Variants in PARD3 observed in about 807,000 individuals in gnomAD.
PARD3 encodes partitioning defective 3 homolog.
PARD3 carries 75 observed loss-of-function variants against 155.4 expected under a neutral mutation model. The ratio of observed to expected loss-of-function variants is 0.48; its 90% CI spans 0.40 to 0.58. The LOEUF (loss-of-function observed/expected upper bound fraction) is 0.58. Ranked by LOEUF, PARD3 falls within the 20% of genes least tolerant of loss-of-function variation. PARD3 has a pLI of 0.00. For missense variants in PARD3, 1,642 were observed against 1,721.7 expected, an observed-to-expected ratio of 0.95 and a Z score of 0.82; for synonymous variants, 576 against 610.5, an observed-to-expected ratio of 0.94 and a Z score of 0.83.
In PARD3 at chr10:34,227,221, C is replaced by T. The variant is rs1952644611; in HGVS notation, c.3419+42436G>A. Among the ~76,000 whole-genome samples, 2 of 152,138 alleles carry T rather than the reference C, an allele frequency of 1.3e-5. 1 individual carries two copies. Among genetic ancestry groups the T allele is most frequent in the Admixed American group, 1.3e-4 (2 of 15,274 alleles). ...GCAAAGGACATGAACAGACACTTCC[C>T]AAAAGAAAACATACATGTGGCCAAC... On this transcript the variant is annotated intron_variant, in intron 22 of 24. Coordinates refer to ENST00000374788, the MANE Select transcript of PARD3 (RefSeq NM_001184785.2).
chr10:34,498,563 G>A (rs897260941), intron 3 of PARD3, among the ~76,000 whole-genome samples: 1 of 152,142 alleles, frequency 6.6e-6, no homozygotes, highest in Non-Finnish European at 1.5e-5. Context: ...GATTGCATGA[G>A]GCCAGGAGTT....
chr10:34,273,441 A>G (rs916883405), intron 21 of PARD3, among the ~76,000 whole-genome samples: 9 of 152,206 alleles, frequency 5.9e-5, no homozygotes, highest in African/African-American at 2.2e-4. Flanking sequence ...CAAAATGACA[A>G]AAGTATGGAG....
Position 34,343,636 on chromosome 10 carries a change from G to C in PARD3, c.2219-1820C>G, listed in dbSNP as rs1296470421. 7.1e-6 allele frequency: 7 copies of C among 985,240 alleles called. No individual in the cohort carries two copies. The East Asian group carries it at 4.5e-4, about 64-fold the overall frequency. 61.0% of individuals were successfully genotyped at this position (985,240 alleles called of 1,614,324 possible). ...GCTCCAAGATTATACCAGGGTAATG[G>C]ACAGCTAAAAAACTTTACATATTCT... On this transcript the variant is annotated intron_variant, in intron 15 of 24. Coordinates refer to ENST00000374788, the MANE Select transcript of PARD3 (RefSeq NM_001184785.2).
intron 2 of PARD3, among the ~76,000 whole-genome samples, chr10:34,527,318 T>A (rs567600803): frequency 1.3e-4 from 20 of 152,328 alleles, no homozygotes; most frequent in Admixed American, 1.3e-3. Context: ...GCCCTTTGTA[T>A]AGGGGACTCA....
At chr10:34,609,246 G>A (rs562739052) in intron 2 of PARD3, among the ~76,000 whole-genome samples, 2 of 152,232 alleles carry the variant, frequency 1.3e-5, no homozygotes, top group Non-Finnish European at 2.9e-5. Flanking sequence ...TTAATTATGA[G>A]TCTAAAATTA....
intron 3 of PARD3, among the ~76,000 whole-genome samples, chr10:34,476,788 A>ACG: frequency 6.6e-6 from 1 of 152,330 alleles, no homozygotes; most frequent in South Asian, 2.1e-4. Flanking sequence ...TGCTCAGGGT[A>ACG]ACTCCCAACA....
chr10:34,346,498 C>A (rs1317625578), intron 15 of PARD3: 1 of 1,337,380 alleles, frequency 7.5e-7, no homozygotes. Flanking sequence ...GCACAAATAT[C>A]TAGGGACACA....
intron 22 of PARD3, among the ~76,000 whole-genome samples, chr10:34,140,482 G>C (rs1948131665): frequency 6.6e-6 from 1 of 152,148 alleles, no homozygotes; most frequent in East Asian, 1.9e-4. Flanking sequence ...AGAGAGAAGG[G>C]AAAGAACAGA....
At chr10:34,790,590 A>G (rs1841509422) in intron 1 of PARD3, among the ~76,000 whole-genome samples, 2 of 152,350 alleles carry the variant, frequency 1.3e-5, no homozygotes, top group African/African-American at 2.4e-5. Flanking sequence ...AAGTACCAGG[A>G]AAGAGGAAAA....
intron 3 of PARD3, among the ~76,000 whole-genome samples, chr10:34,499,120 AT>A (rs1463463078): frequency 1.3e-5 from 2 of 152,210 alleles, no homozygotes; most frequent in South Asian, 2.1e-4. Context: ...TTAGCTCAAG[AT>A]TTTTTTCTCT....
chr10:34,131,698 AT>A, intron 22 of PARD3, 115 bp from the exon 23 acceptor site: 1 of 900,978 alleles, frequency 1.1e-6, no homozygotes, highest in Non-Finnish European at 1.7e-6. Flanking sequence ...GAGAAAGTGA[AT>A]TTTTAAAACA....
chr10:34,160,459 C>T (rs528196697), intron 22 of PARD3, among the ~76,000 whole-genome samples: 26 of 152,290 alleles, frequency 1.7e-4, no homozygotes, highest in Non-Finnish European at 2.9e-4. Flanking sequence ...AAGAGAACTT[C>T]AGTTTCAACA....
intron 2 of PARD3, among the ~76,000 whole-genome samples, chr10:34,549,082 G>A (rs1387104443): frequency 6.6e-6 from 1 of 152,166 alleles, no homozygotes; most frequent in Non-Finnish European, 1.5e-5. Context: ...CGATATTTTC[G>A]CAAACAGTAG....
At chr10:34,384,279 T>G in intron 7 of PARD3, 25 bp from the exon 8 acceptor site, 1 of 1,606,754 alleles carries the variant, frequency 6.2e-7, no homozygotes, top group Non-Finnish European at 8.5e-7. Context: ...ATGCAAATGA[T>G]TACACATGTA....
intron 1 of PARD3, among the ~76,000 whole-genome samples, chr10:34,813,070 A>C (rs772077825): frequency 1.3e-5 from 2 of 152,324 alleles, no homozygotes; most frequent in Non-Finnish European, 2.9e-5. Context: ...CACCCAGAAC[A>C]GTGCCATGGA....
intron 1 of PARD3, among the ~76,000 whole-genome samples, chr10:34,724,109 G>A (rs912330679): frequency 3.3e-5 from 5 of 152,204 alleles, no homozygotes; most frequent in African/African-American, 1.2e-4. Context: ...CACAGGGACA[G>A]TATATACATA....
intron 22 of PARD3, among the ~76,000 whole-genome samples, chr10:34,257,135 G>A (rs1193146942): frequency 1.3e-5 from 2 of 152,108 alleles, no homozygotes; most frequent in South Asian, 4.2e-4. Flanking sequence ...AAGGACTTAG[G>A]GTACCCAAGG....
At chr10:34,445,347 T>C (rs2076684326) in intron 5 of PARD3, among the ~76,000 whole-genome samples, 1 of 152,238 alleles carries the variant, frequency 6.6e-6, no homozygotes, top group South Asian at 2.1e-4. Flanking sequence ...TTTGTTTCTG[T>C]GGTTCTTGTC....
Position 34,440,291 on chromosome 10 carries a change from C to T in PARD3, c.714+10026G>A, listed in dbSNP as rs1486231591. Reference sequence around the variant, plus strand: ...TATTTTTTAAAGAATAGCAGTTGCACAGCTCATGGAACATAGATGGAACGT... The same window carrying T: ...TATTTTTTAAAGAATAGCAGTTGCATAGCTCATGGAACATAGATGGAACGT... On this transcript the variant is annotated intron_variant, in intron 5 of 24. Coordinates refer to ENST00000374788, the MANE Select transcript of PARD3 (RefSeq NM_001184785.2). Among the ~76,000 whole-genome samples the T allele has an allele frequency of 3.9e-5, 6 of 152,062 alleles. No homozygotes were observed. The East Asian group carries it at 1.2e-3, about 29-fold the overall frequency.
Sources: gnomAD v4.1 joint callset for allele counts (sites outside exome capture counted in the v4.1 genomes callset) on GRCh38, gnomAD v4.1.1 for gene constraint, MANE v1.5 for transcripts, NCBI Gene and HGNC (gene_info 2026-07-23, HGNC 2026-07-21) for gene names.